Variants in LARP4 observed in about 807,000 individuals in gnomAD.
The protein encoded by LARP4 is la-related protein 4.
Under a neutral mutation model 92.9 loss-of-function variants are expected in LARP4, and 29 were observed. The observed-to-expected ratio is 0.31, with a 90% CI of 0.23 to 0.43. The LOEUF (loss-of-function observed/expected upper bound fraction) is 0.43, where lower values mean the gene tolerates loss of function less well. Ranked by LOEUF, LARP4 falls within the 20% of genes least tolerant of loss-of-function variation. The probability of loss-of-function intolerance (pLI) is 1.00; values close to 1 mark genes in which losing one functional copy is unlikely to be tolerated. For missense variants in LARP4, 732 were observed against 860.0 expected, an observed-to-expected ratio of 0.85 and a Z score of 1.86; for synonymous variants, 279 against 284.1, an observed-to-expected ratio of 0.98 and a Z score of 0.18.
At chr12:50,459,919 A>G (rs1955052651) in intron 10 of LARP4, among the ~76,000 whole-genome samples, 1 of 151,526 alleles carries the variant, frequency 6.6e-6, no homozygotes, top group Non-Finnish European at 1.5e-5. Flanking sequence ...TGGGCGGTTC[A>G]CGAGGTCAAG....
intron 15 of LARP4, 95 bp from the exon 16 acceptor site, chr12:50,475,431 A>G: frequency 9.8e-7 from 1 of 1,020,566 alleles, no homozygotes; most frequent in Non-Finnish European, 1.5e-6. Flanking sequence ...CTGGAAGATA[A>G]TCTGTGGTTT....
intron 10 of LARP4, among the ~76,000 whole-genome samples, chr12:50,460,109 C>A (rs1039720141): frequency 6.7e-6 from 1 of 149,648 alleles, no homozygotes; most frequent in Non-Finnish European, 1.5e-5. Context: ...CGCTCCAGCC[C>A]GGGCAACAGA....
At chr12:50,422,341 A>T (rs1346422398) in intron 1 of LARP4, among the ~76,000 whole-genome samples, 1 of 152,142 alleles carries the variant, frequency 6.6e-6, no homozygotes, top group Non-Finnish European at 1.5e-5. Flanking sequence ...AATTAGTTTA[A>T]CACGTTTGCT....
At chr12:50,430,677 C>A (rs930766630) in intron 4 of LARP4, 107 bp downstream of exon 4, 6 of 638,130 alleles carry the variant, frequency 9.4e-6, no homozygotes, top group South Asian at 2.4e-5. Context: ...TTTTTATTTT[C>A]TTGAGACAGA....
At chr12:50,430,652 T>C in intron 4 of LARP4, 82 bp downstream of exon 4, 2 of 779,198 alleles carry the variant, frequency 2.6e-6, no homozygotes, top group Non-Finnish European at 4.0e-6. Context: ...GTGATTATTA[T>C]TTAACTAATT....
chr12:50,428,078 C>A (rs961075486), intron 2 of LARP4, among the ~76,000 whole-genome samples, 169 bp downstream of exon 2: 1 of 150,708 alleles, frequency 6.6e-6, no homozygotes, highest in East Asian at 2.0e-4. Flanking sequence ...TCACTGCAAC[C>A]TCCACCTCCC....
chr12:50,475,249 A>G (rs1957413075), intron 15 of LARP4, among the ~76,000 whole-genome samples: 1 of 152,204 alleles, frequency 6.6e-6, no homozygotes, highest in South Asian at 2.1e-4. Flanking sequence ...TGGCTATACC[A>G]TTATTCATCT....
intron 6 of LARP4, 96 bp from the exon 7 acceptor site, chr12:50,440,343 T>C: frequency 1.2e-6 from 1 of 835,936 alleles, no homozygotes; most frequent in Non-Finnish European, 2.0e-6. Context: ...ACCAAAGACA[T>C]GAAGATAGGC....
chr12:50,451,900 A>G (rs1477975364), intron 8 of LARP4, among the ~76,000 whole-genome samples: 1 of 152,064 alleles, frequency 6.6e-6, no homozygotes, highest in Non-Finnish European at 1.5e-5. Flanking sequence ...GCTACTCAGG[A>G]GGCTGAGGCA....
intron 1 of LARP4, among the ~76,000 whole-genome samples, chr12:50,415,511 T>C (rs1488199986): frequency 6.6e-6 from 1 of 152,122 alleles, no homozygotes; most frequent in East Asian, 1.9e-4. Flanking sequence ...ATTTATAAAT[T>C]AATTATATAT....
At chr12:50,429,239 C>T in intron 3 of LARP4, 149 bp downstream of exon 3, 1 of 601,052 alleles carries the variant, frequency 1.7e-6, no homozygotes, top group Non-Finnish European at 2.9e-6. Flanking sequence ...TTGATTGTTA[C>T]ATTGTTTTCA....
chr12:50,462,544 TCCACC>T (rs755787462), intron 11 of LARP4, 33 bp from the exon 12 acceptor site: 4 of 774,022 alleles, frequency 5.2e-6, no homozygotes, highest in Admixed American at 4.2e-5. Flanking sequence ...GACTTGTCCC[TCCACC>T]CCACCCCACC....
chr12:50,404,992 C>CAAGCAG (rs1944538398), intron 1 of LARP4, among the ~76,000 whole-genome samples: 1 of 150,518 alleles, frequency 6.6e-6, no homozygotes, highest in Non-Finnish European at 1.5e-5. Context: ...CTGGCGGGTT[C>CAAGCAG]AAGCAGTTCT....
chr12:50,435,761 T>A, intron 5 of LARP4, 137 bp downstream of exon 5: 3 of 654,390 alleles, frequency 4.6e-6, no homozygotes, highest in Non-Finnish European at 7.6e-6. Context: ...GAATTCTCTC[T>A]CTTTGTTTTT....
At chr12:50,441,739 T>C in intron 8 of LARP4, 96 bp downstream of exon 8, 7 of 1,056,136 alleles carry the variant, frequency 6.6e-6, no homozygotes, top group South Asian at 6.0e-5. Context: ...TAAAAACCCA[T>C]AGTGACTTTC....
intron 4 of LARP4, 108 bp downstream of exon 4, chr12:50,430,678 T>A: frequency 4.7e-6 from 3 of 633,786 alleles, no homozygotes; most frequent in Non-Finnish European, 7.9e-6. Context: ...TTTTATTTTC[T>A]TGAGACAGAG....
intron 1 of LARP4, among the ~76,000 whole-genome samples, chr12:50,408,474 G>A (rs542649878): frequency 1.2e-3 from 180 of 152,210 alleles, no homozygotes; most frequent in Non-Finnish European, 1.1e-3. Flanking sequence ...TGGGACTACA[G>A]GCATGAGCCA....
chr12:50,427,941 C>T (rs1181336335), intron 2 of LARP4, 32 bp downstream of exon 2: 2 of 1,456,868 alleles, frequency 1.4e-6, no homozygotes, highest in Non-Finnish European at 1.9e-6. Flanking sequence ...ATAAAAATCA[C>T]AGTTTGGTTA....
intron 1 of LARP4, among the ~76,000 whole-genome samples, chr12:50,423,254 T>C (rs544200698): frequency 6.6e-6 from 1 of 152,324 alleles, no homozygotes; most frequent in Admixed American, 6.5e-5. Context: ...GTTTCAGTTT[T>C]ATAGCATTCT....
Sources: gnomAD v4.1 joint callset for allele counts (sites outside exome capture counted in the v4.1 genomes callset) on GRCh38, gnomAD v4.1.1 for gene constraint, MANE v1.5 for transcripts, NCBI Gene and HGNC (gene_info 2026-07-23, HGNC 2026-07-21) for gene names.